Variants in ADAMTS17 observed in about 807,000 individuals in gnomAD.
ADAMTS17 encodes the protein ADAM metallopeptidase with thrombospondin type 1 motif 17.
Under a neutral mutation model 141.5 loss-of-function variants are expected in ADAMTS17, and 113 were observed. The ratio of observed to expected loss-of-function variants is 0.80; its 90% confidence interval spans 0.69 to 0.93. The LOEUF is 0.93. Among genes scored for constraint, ADAMTS17 ranks in the 40% least tolerant of loss-of-function variants. The pLI is 0.00. For synonymous variants in ADAMTS17, 768 were observed against 630.6 expected, an observed-to-expected ratio of 1.22 and a Z score of -3.27; for missense variants, 1,659 against 1,517.9, an observed-to-expected ratio of 1.09 and a Z score of -1.54.
chr15:100,155,401 G>C (rs551526135), intron 8 of ADAMTS17, 81 bp from the exon 9 acceptor site: 5 of 1,555,906 alleles, frequency 3.2e-6, no homozygotes, highest in South Asian at 2.4e-5. Flanking sequence ...ACCATGCTAA[G>C]GTAAATCAAG....
chr15:100,101,793 AG>A (rs1339670435), intron 14 of ADAMTS17, among the ~76,000 whole-genome samples: 33 of 152,360 alleles, frequency 2.2e-4, no homozygotes, highest in African/African-American at 7.9e-4. Context: ...GGCTGGAATA[AG>A]CAGTACTTGC....
At chr15:100,126,939 G>C (rs566224980) in intron 12 of ADAMTS17, among the ~76,000 whole-genome samples, 3 of 152,202 alleles carry the variant, frequency 2.0e-5, no homozygotes, top group African/African-American at 4.8e-5. Flanking sequence ...CACGTGTAAC[G>C]TAAGGAAGAG....
intron 17 of ADAMTS17, among the ~76,000 whole-genome samples, chr15:100,049,211 CTAG>C (rs1256222224): frequency 1.3e-5 from 2 of 152,294 alleles, no homozygotes; most frequent in East Asian, 3.9e-4. Flanking sequence ...CTGGAAGATT[CTAG>C]AACAAGATAA....
intron 15 of ADAMTS17, among the ~76,000 whole-genome samples, chr15:100,082,673 T>C (rs928365756): frequency 3.9e-5 from 6 of 152,148 alleles, no homozygotes; most frequent in Non-Finnish European, 8.8e-5. Flanking sequence ...CATGGCATTC[T>C]GTTCTTGTTT....
intron 4 of ADAMTS17, among the ~76,000 whole-genome samples, chr15:100,274,285 A>G (rs188979016): frequency 2.0e-4 from 31 of 152,336 alleles, no homozygotes; most frequent in Non-Finnish European, 4.0e-4. Context: ...ATCTCCAACT[A>G]TTATTGTACA....
chr15:100,091,453 C>T (rs2035465397), intron 15 of ADAMTS17, among the ~76,000 whole-genome samples: 1 of 152,160 alleles, frequency 6.6e-6, no homozygotes, highest in African/African-American at 2.4e-5. Context: ...AAATCCAATG[C>T]CTTTGCCGTG....
In ADAMTS17 at chr15:100,032,508, T is replaced by TA. The variant is rs2030276452; in HGVS notation, c.2591+16348_2591+16349insT. 6.6e-5 allele frequency among the ~76,000 whole-genome samples: 10 copies of TA among 152,332 alleles called. No homozygotes were observed. In the South Asian group the frequency reaches 2.1e-3, roughly 32 times the overall value. On this transcript the variant is annotated intron_variant, in intron 18 of 21. Transcript: ENST00000268070. ...ATCCCAGAGCTTTGGGCCTTTGGGCTGCGAGTTTCACTTCCAGGGAAAGGA... is the reference window on the plus strand; with the variant it reads ...ATCCCAGAGCTTTGGGCCTTTGGGCTAGCGAGTTTCACTTCCAGGGAAAGGA...
At chr15:100,074,983 T>C (rs772716189) in intron 15 of ADAMTS17, among the ~76,000 whole-genome samples, 1 of 152,224 alleles carries the variant, frequency 6.6e-6, no homozygotes, top group Non-Finnish European at 1.5e-5. Context: ...AGCTGTATAC[T>C]ATTTAGTTGG....
At chr15:100,213,072 T>A (rs1658583728) in intron 7 of ADAMTS17, among the ~76,000 whole-genome samples, 1 of 152,330 alleles carries the variant, frequency 6.6e-6, no homozygotes, top group African/African-American at 2.4e-5. Flanking sequence ...AGGTATAATC[T>A]TGAGTGTGTA....
intron 18 of ADAMTS17, among the ~76,000 whole-genome samples, chr15:100,008,266 G>A (rs1567671013): frequency 6.6e-6 from 1 of 152,122 alleles, no homozygotes; most frequent in Non-Finnish European, 1.5e-5. Context: ...GGGCCTGTGA[G>A]CCTCTGGCCT....
At chr15:100,151,252 G>A (rs574307212) in intron 10 of ADAMTS17, among the ~76,000 whole-genome samples, 1 of 152,314 alleles carries the variant, frequency 6.6e-6, no homozygotes, top group East Asian at 1.9e-4. Flanking sequence ...GCACTACAGT[G>A]TGGATAAACG....
At chr15:100,077,011 A>T (rs2034424079) in intron 15 of ADAMTS17, among the ~76,000 whole-genome samples, 1 of 152,142 alleles carries the variant, frequency 6.6e-6, no homozygotes, top group South Asian at 2.1e-4. Flanking sequence ...CACTATAAGA[A>T]ACAACACTGT....
intron 8 of ADAMTS17, among the ~76,000 whole-genome samples, chr15:100,165,879 C>A (rs1335354784): frequency 3.3e-5 from 5 of 151,978 alleles, no homozygotes; most frequent in African/African-American, 7.3e-5. Context: ...ATTCTTTTTC[C>A]TTTCTCTCTT....
At chr15:100,335,625 C>G (rs1469571124) in intron 2 of ADAMTS17, among the ~76,000 whole-genome samples, 1 of 152,234 alleles carries the variant, frequency 6.6e-6, no homozygotes, top group Non-Finnish European at 1.5e-5. Context: ...GATGACTGAT[C>G]AGCTGATGTA....
At chr15:100,191,083 G>A (rs2040899915) in intron 8 of ADAMTS17, among the ~76,000 whole-genome samples, 1 of 152,224 alleles carries the variant, frequency 6.6e-6, no homozygotes, top group Non-Finnish European at 1.5e-5. Flanking sequence ...CTAACTGCTG[G>A]AAGAGTCTGG....
chr15:100,119,867 C>G lies in ADAMTS17; in HGVS notation c.1722-2854G>C, dbSNP rs1325788997. On this transcript the variant is annotated intron_variant, in intron 12 of 21. Coordinates refer to ENST00000268070, the MANE Select transcript of ADAMTS17 (RefSeq NM_139057.4). ...ACCCTCTGTCCATCTTTGAGGCCAC[C>G]TCCACCCTATTTTTCCTTCCTACCT... Among the ~76,000 whole-genome samples, 6 of 152,300 alleles carry G rather than the reference C, an allele frequency of 3.9e-5. No individual in the cohort carries two copies. In the East Asian group the frequency reaches 1.2e-3, roughly 29 times the overall value.
chr15:100,103,136 G>A (rs146610828), intron 14 of ADAMTS17, among the ~76,000 whole-genome samples: 1 of 152,314 alleles, frequency 6.6e-6, no homozygotes, highest in Non-Finnish European at 1.5e-5. Context: ...GGCTTGGTCT[G>A]CTGGCTTCAA....
Position 99,997,252 on chromosome 15 carries a change from A to G in ADAMTS17, c.2796+133T>C. The stretch of plus-strand genomic sequence containing the variant: ...GTTATCTGAGATGGAAATTAAGAAC[A>G]CATGAGCTATAACACAACTTCAAGC... On this transcript the variant is annotated intron_variant, in intron 19 of 21. Transcript: ENST00000268070. This position sits in a 1 kb window ranked among gnomAD's most constrained non-coding sequence, Gnocchi z 4.7. 1 of 967,244 alleles carries G rather than the reference A, an allele frequency of 1.0e-6. No individual in the cohort carries two copies. The highest frequency in any genetic ancestry group is 1.6e-6 in the Non-Finnish European group (1 of 610,248). The allele number at this position is 967,244 out of a possible 1,614,324, so 59.9% of individuals were successfully genotyped here. A position where few individuals can be genotyped will look rare whatever the true frequency, so the allele number is the denominator to read the frequency against.
At chr15:100,142,176 G>C (rs2038687570) in intron 10 of ADAMTS17, among the ~76,000 whole-genome samples, 1 of 152,210 alleles carries the variant, frequency 6.6e-6, no homozygotes, top group Non-Finnish European at 1.5e-5. Context: ...CAATCCACCA[G>C]GTTTAAAAAT....
Sources: allele counts gnomAD v4.1 joint callset (sites outside exome capture counted in the v4.1 genomes callset), GRCh38; gene constraint gnomAD v4.1.1; non-coding constraint Gnocchi (gnomAD v3.1); transcripts MANE v1.5; gene names NCBI Gene and HGNC (gene_info 2026-07-23, HGNC 2026-07-21).